GPATCH2: variants seen among roughly 807,000 people sequenced by gnomAD.
GPATCH2 encodes the protein G patch domain-containing protein 2.
GPATCH2 carries 51 observed loss-of-function variants against 58.0 expected under a neutral mutation model. The observed-to-expected ratio is 0.88, with a 90% confidence interval of 0.70 to 1.11. The LOEUF is 1.11. GPATCH2 is among the 50% of genes most tolerant of loss of function. The probability of loss-of-function intolerance (pLI) is 0.00; values close to 1 mark genes in which losing one functional copy is unlikely to be tolerated. For missense variants in GPATCH2, 625 were observed against 652.2 expected (o/e 0.96, Z 0.45); for synonymous variants, 222 against 218.5 (o/e 1.02, Z -0.14).
rs558519670 is a variant in GPATCH2, at chr1:217,523,590, A to G, written c.1099-8701T>C. ...GTCTACCTCTTTCTACACAGACACG[A>G]CAACCATCCGATTTCTCAATCTTTT... On this transcript the variant is annotated intron_variant, in intron 5 of 9. Coordinates refer to ENST00000366935, the MANE Select transcript of GPATCH2 (RefSeq NM_018040.5). Among the ~76,000 whole-genome samples the G allele has an allele frequency of 9.0e-4, 136 of 151,324 alleles. 1 individual carries two copies. The Middle Eastern group carries it at 0.017, about 19-fold the overall frequency.
At chr1:217,497,469 G>C (rs530492611) in intron 7 of GPATCH2, among the ~76,000 whole-genome samples, 7 of 152,100 alleles carry the variant, frequency 4.6e-5, no homozygotes, top group Admixed American at 1.3e-4. Context: ...AATAAAGAAG[G>C]GTTCAAAATG....
chr1:217,569,757 T>C (rs553614291), intron 5 of GPATCH2, among the ~76,000 whole-genome samples: 5 of 152,168 alleles, frequency 3.3e-5, no homozygotes, highest in Non-Finnish European at 4.4e-5. Flanking sequence ...GTACACGATA[T>C]GGAATGAAGC....
intron 5 of GPATCH2, among the ~76,000 whole-genome samples, chr1:217,515,317 C>T (rs929353920): frequency 3.3e-5 from 5 of 151,904 alleles, no homozygotes; most frequent in African/African-American, 7.2e-5. Context: ...AGGATGGTCT[C>T]GATCTCCTGC....
chr1:217,540,311 GGCT>G, intron 5 of GPATCH2, among the ~76,000 whole-genome samples: 1 of 152,078 alleles, frequency 6.6e-6, no homozygotes, highest in African/African-American at 2.4e-5. Flanking sequence ...TTTTGCATCT[GGCT>G]GCTAGGTACT....
intron 8 of GPATCH2, among the ~76,000 whole-genome samples, chr1:217,475,387 C>T (rs1322610629): frequency 2.0e-5 from 3 of 151,874 alleles, no homozygotes; most frequent in South Asian, 2.1e-4. Flanking sequence ...TGCAGCGAGC[C>T]GAAATTGTGC....
chr1:217,470,542 C>G (rs973364248), intron 8 of GPATCH2, among the ~76,000 whole-genome samples: 1 of 152,044 alleles, frequency 6.6e-6, no homozygotes, highest in Admixed American at 6.5e-5. Context: ...TGGCTGATAA[C>G]TAATTTTATT....
At chr1:217,627,941 A>C (rs535510902) in intron 1 of GPATCH2, among the ~76,000 whole-genome samples, 1 of 152,236 alleles carries the variant, frequency 6.6e-6, no homozygotes, top group South Asian at 2.1e-4. Flanking sequence ...AAAATTTAGA[A>C]TCTAATAAGT....
chr1:217,514,970 G>T, intron 5 of GPATCH2, 81 bp from the exon 6 acceptor site: 1 of 713,288 alleles, frequency 1.4e-6, no homozygotes, highest in Middle Eastern at 2.5e-4. Flanking sequence ...ATATCAATTT[G>T]AAGACATCAC....
intron 8 of GPATCH2, among the ~76,000 whole-genome samples, chr1:217,472,405 C>T (rs1286675451): frequency 6.6e-6 from 1 of 150,982 alleles, no homozygotes; most frequent in African/African-American, 2.4e-5. Flanking sequence ...AGGTTCACGC[C>T]ATTCTCCCGC....
chr1:217,523,574 T>A (rs1663597180), intron 5 of GPATCH2, among the ~76,000 whole-genome samples: 1 of 151,678 alleles, frequency 6.6e-6, no homozygotes, highest in Non-Finnish European at 1.5e-5. Context: ...TGTCTACCTC[T>A]TTCTACACAG....
intron 5 of GPATCH2, among the ~76,000 whole-genome samples, chr1:217,570,641 A>T (rs1244739924): frequency 2.0e-5 from 3 of 152,190 alleles, no homozygotes; most frequent in African/African-American, 4.8e-5. Context: ...ACACCAACAA[A>T]CTAATAACCA....
At chr1:217,606,206 ATTC>A (rs1324405614) in intron 5 of GPATCH2, among the ~76,000 whole-genome samples, 5 of 151,218 alleles carry the variant, frequency 3.3e-5, no homozygotes, top group Admixed American at 6.6e-5. Context: ...CATTTAAGCT[ATTC>A]ATTTAGCTTA....
At chr1:217,476,895 G>T (rs929667813) in intron 8 of GPATCH2, among the ~76,000 whole-genome samples, 4 of 152,124 alleles carry the variant, frequency 2.6e-5, no homozygotes, top group African/African-American at 4.8e-5. Context: ...AGACACTAGC[G>T]GGGGTGGTTA....
intron 5 of GPATCH2, among the ~76,000 whole-genome samples, chr1:217,523,842 G>A (rs1475025029): frequency 1.1e-4 from 17 of 148,532 alleles, no homozygotes; most frequent in South Asian, 2.1e-4. Context: ...GTGGCTGGCC[G>A]GGCGGGGGGC....
intron 4 of GPATCH2, 129 bp downstream of exon 4, chr1:217,610,760 C>T (rs1668582993): frequency 3.2e-6 from 2 of 626,262 alleles, no homozygotes; most frequent in East Asian, 2.7e-5. Flanking sequence ...ATATTAGTGG[C>T]CAATATGTTT....
rs149254065 is a variant in GPATCH2 at position 217,460,474 on chromosome 1, A to G, written c.1278-11137T>C. On this transcript the variant is annotated intron_variant, in intron 8 of 9. Coordinates refer to ENST00000366935, the MANE Select transcript of GPATCH2 (RefSeq NM_018040.5). ...CATGTGGGAAAAATGATTCCAAACC[A>G]ATTTTCAAAGAGAATCCTCAACCAG... Among the ~76,000 whole-genome samples, 402 of 152,316 alleles carry G rather than the reference A, an allele frequency of 2.6e-3. 1 individual carries two copies. The highest frequency in any genetic ancestry group is 8.4e-3 in the African/African-American group (351 of 41,576).
At chr1:217,525,760 G>A (rs1663872507) in intron 5 of GPATCH2, among the ~76,000 whole-genome samples, 1 of 152,070 alleles carries the variant, frequency 6.6e-6, no homozygotes, top group Non-Finnish European at 1.5e-5. Context: ...CGGTAGTGAA[G>A]ATAATGGTGA....
At chr1:217,458,204 T>C (rs568305009) in intron 8 of GPATCH2, among the ~76,000 whole-genome samples, 90 of 152,288 alleles carry the variant, frequency 5.9e-4, no homozygotes, top group Admixed American at 2.7e-3. Context: ...CACTCCTGCT[T>C]GGGAAACAGA....
intron 1 of GPATCH2, among the ~76,000 whole-genome samples, chr1:217,624,600 C>T (rs1489928019): frequency 6.6e-6 from 1 of 152,216 alleles, no homozygotes; most frequent in Non-Finnish European, 1.5e-5. Context: ...TGGCAGTTTA[C>T]ACTGATGCAT....
Sources: allele counts gnomAD v4.1 joint callset (sites outside exome capture counted in the v4.1 genomes callset), GRCh38; gene constraint gnomAD v4.1.1; transcripts MANE v1.5; gene names NCBI Gene and HGNC (gene_info 2026-07-23, HGNC 2026-07-21).